Variants in SHISA9 observed in about 807,000 individuals in gnomAD.
The protein encoded by SHISA9 is protein shisa-9.
In SHISA9, 13 loss-of-function variants were observed where a neutral mutation model predicts 38.0. The ratio of observed to expected loss-of-function variants is 0.34; its 90% CI spans 0.22 to 0.54. The LOEUF is 0.54. Ranked by LOEUF, SHISA9 falls within the 20% of genes least tolerant of loss-of-function variation. The pLI, the probability that SHISA9 is intolerant of heterozygous loss-of-function variation, is 0.91. For missense variants in SHISA9, 538 were observed against 575.8 expected (o/e 0.93, Z 0.67); for synonymous variants, 275 against 242.0 (o/e 1.14, Z -1.27).
At chr16:13,004,201 G>A (rs2072566044) in intron 2 of SHISA9, among the ~76,000 whole-genome samples, 1 of 152,192 alleles carries the variant, frequency 6.6e-6, no homozygotes, top group Non-Finnish European at 1.5e-5. Context: ...AGTCTGACTT[G>A]TAACAGATCT....
intron 2 of SHISA9, among the ~76,000 whole-genome samples, chr16:13,047,825 G>A (rs1055901909): frequency 1.3e-5 from 2 of 152,168 alleles, no homozygotes; most frequent in Admixed American, 6.5e-5. Context: ...CACTTGCCAT[G>A]TCTCAGACCT....
At chr16:13,118,154 C>A (rs1489262035) in intron 2 of SHISA9, among the ~76,000 whole-genome samples, 3 of 149,162 alleles carry the variant, frequency 2.0e-5, no homozygotes, top group African/African-American at 5.0e-5. Flanking sequence ...TGTACTCCAG[C>A]CTGGGCGACA....
At chr16:12,971,889 G>A (rs914156441) in intron 2 of SHISA9, among the ~76,000 whole-genome samples, 1 of 152,136 alleles carries the variant, frequency 6.6e-6, no homozygotes, top group African/African-American at 2.4e-5. Flanking sequence ...TCTCTTTAGA[G>A]AACTGTCCTA....
intron 2 of SHISA9, among the ~76,000 whole-genome samples, chr16:13,184,796 ATTTG>A (rs1236803356): frequency 6.6e-6 from 1 of 152,144 alleles, no homozygotes; most frequent in African/African-American, 2.4e-5. Flanking sequence ...CCTGAGTGTA[ATTTG>A]TTTGTATGGA....
the SHISA9 span, among the ~76,000 whole-genome samples, chr16:13,382,462 G>A: frequency 8.4e-4 from 127 of 150,800 alleles, no homozygotes; most frequent in African/African-American, 2.9e-3. Flanking sequence ...CTCAGGAAGC[G>A]GAGGTTGCAG....
At chr16:13,241,799 A>T (rs1224127771), downstream of SHISA9, among the ~76,000 whole-genome samples, 1 of 152,202 alleles carries the variant, frequency 6.6e-6, no homozygotes, top group Non-Finnish European at 1.5e-5. Context: ...CACCCAGAGC[A>T]GATCCCCTGG....
intron 2 of SHISA9, among the ~76,000 whole-genome samples, chr16:12,999,497 T>G (rs1181100276): frequency 1.3e-5 from 2 of 152,188 alleles, no homozygotes; most frequent in African/African-American, 4.8e-5. Flanking sequence ...AAATACAGAC[T>G]CTAGATAATG....
chr16:13,244,327 C>A (rs548811504), downstream of SHISA9, among the ~76,000 whole-genome samples: 13 of 152,262 alleles, frequency 8.5e-5, no homozygotes, highest in Admixed American at 8.5e-4. Context: ...CAGGGGTCCA[C>A]TTATGTGTGA....
chr16:13,112,112 AT>A (rs967877365), intron 2 of SHISA9, among the ~76,000 whole-genome samples: 9 of 151,626 alleles, frequency 5.9e-5, no homozygotes, highest in African/African-American at 1.7e-4. Flanking sequence ...AAGGGTAAGG[AT>A]TTTTTTTTGT....
rs945734299 is a variant in SHISA9 at position 13,236,381 on chromosome 16, C to A, written c.*972C>A. On this transcript the variant is annotated 3_prime_UTR_variant, in exon 5 of 5. Transcript: ENST00000558583. Reference sequence around the variant, plus strand: ...ACAGTTGGAAAAGTCCACAGGAGATCAGATGAGGATCCAGAAGCCTCTGAT... The same window carrying A: ...ACAGTTGGAAAAGTCCACAGGAGATAAGATGAGGATCCAGAAGCCTCTGAT... 1 of 151,104 alleles carries A rather than the reference C, an allele frequency of 6.6e-6. No homozygotes were observed. The highest frequency in any genetic ancestry group is 2.0e-4 in the East Asian group (1 of 5,122). The allele number at this position is 151,104 out of a possible 1,614,324, so 9.4% of individuals were successfully genotyped here.
chr16:13,163,261 T>A (rs1451222977), intron 2 of SHISA9, among the ~76,000 whole-genome samples: 3 of 152,210 alleles, frequency 2.0e-5, no homozygotes, highest in Admixed American at 2.0e-4. Flanking sequence ...GAGACCCCAA[T>A]GAGTCTCAAA....
At chr16:13,540,709 G>A in the SHISA9 span, among the ~76,000 whole-genome samples, 3 of 152,126 alleles carry the variant, frequency 2.0e-5, no homozygotes, top group Admixed American at 6.5e-5. Flanking sequence ...TAAATTTAGG[G>A]TAATGATGCT....
the SHISA9 span, among the ~76,000 whole-genome samples, chr16:13,441,697 C>T: frequency 7.9e-5 from 12 of 152,266 alleles, no homozygotes; most frequent in South Asian, 2.1e-4. Flanking sequence ...TGTAAGTCTT[C>T]AATGAACCCT....
At position 13,013,465 on chromosome 16, in the gene SHISA9, T is replaced by A. The variant is rs545703848; in HGVS notation, c.691+96650T>A. ...GCTCCTGGAAGGGATTCATGGGTTG[T>A]CAATGGAACCACACTTGACTCTAAG... On this transcript the variant is annotated intron_variant, in intron 2 of 4. Transcript: ENST00000558583. 5.9e-5 allele frequency among the ~76,000 whole-genome samples: 9 copies of A among 152,288 alleles called. 1 individual carries two copies. The South Asian group carries it at 1.7e-3, about 28-fold the overall frequency.
chr16:13,401,860 T>A, the SHISA9 span, among the ~76,000 whole-genome samples: 1 of 152,010 alleles, frequency 6.6e-6, no homozygotes, highest in Non-Finnish European at 1.5e-5. Flanking sequence ...GGCCTCATAA[T>A]CATGGCAGAG....
intron 4 of SHISA9, among the ~76,000 whole-genome samples, chr16:13,213,512 A>G (rs1220444282): frequency 6.6e-6 from 1 of 152,116 alleles, no homozygotes; most frequent in Admixed American, 6.5e-5. Flanking sequence ...ACAACGTGGT[A>G]GCCCTCACTT....
intron 2 of SHISA9, among the ~76,000 whole-genome samples, chr16:13,201,651 C>G (rs2051007343): frequency 7.6e-6 from 1 of 131,666 alleles, no homozygotes. Flanking sequence ...CCGACTCCTA[C>G]TCTAAACTTG....
intron 4 of SHISA9, among the ~76,000 whole-genome samples, chr16:13,224,528 T>G (rs1284107771): frequency 6.6e-6 from 1 of 152,194 alleles, no homozygotes; most frequent in Non-Finnish European, 1.5e-5. Flanking sequence ...ATCAGTGCTT[T>G]CCTTCTTTCA....
At chr16:13,244,927 TA>T (rs1199092613), downstream of SHISA9, among the ~76,000 whole-genome samples, 3 of 152,214 alleles carry the variant, frequency 2.0e-5, no homozygotes, top group African/African-American at 7.2e-5. Flanking sequence ...TTTATTTACT[TA>T]CTTTTGAGAC....
Sources: allele counts gnomAD v4.1 joint callset (sites outside exome capture counted in the v4.1 genomes callset), GRCh38; gene constraint gnomAD v4.1.1; transcripts MANE v1.5; gene names NCBI Gene and HGNC (gene_info 2026-07-23, HGNC 2026-07-21).